NEK1: variants seen among roughly 807,000 people sequenced by gnomAD.
NEK1 encodes serine/threonine-protein kinase Nek1.
NEK1 carries 137 observed loss-of-function variants against 182.1 expected under a neutral mutation model. That is an observed-to-expected ratio of 0.75 (90% confidence interval 0.65 to 0.87). The LOEUF is 0.87. NEK1 is among the 40% of genes least tolerant of loss of function. NEK1 has a pLI of 0.00. For synonymous variants in NEK1, 513 were observed against 492.2 expected (o/e 1.04, Z -0.56); for missense variants, 1,391 against 1,494.4 (o/e 0.93, Z 1.14).
At chr4:169,507,685 A>C (rs1238946538) in intron 22 of NEK1, 30 bp downstream of exon 22, 1 of 1,558,844 alleles carries the variant, frequency 6.4e-7, no homozygotes, top group Non-Finnish European at 8.8e-7. Flanking sequence ...AATTTTCTCT[A>C]AGAAAACCTG....
chr4:169,583,315 T>C lies in NEK1; in HGVS notation c.807+2034A>G, dbSNP rs540168519. On this transcript the variant is annotated intron_variant, in intron 10 of 35. Transcript: ENST00000507142. Reference sequence around the variant, plus strand: ...AAAGCTTCTCACCTAAGTAGATATATAGTACAAAATAAATCTGAGGAACAG... The same window carrying C: ...AAAGCTTCTCACCTAAGTAGATATACAGTACAAAATAAATCTGAGGAACAG... Among the ~76,000 whole-genome samples the C allele has an allele frequency of 1.2e-4, 18 of 149,354 alleles. No individual in the cohort carries two copies. In the South Asian group the frequency reaches 3.2e-3, roughly 26 times the overall value.
intron 18 of NEK1, among the ~76,000 whole-genome samples, chr4:169,548,485 C>T (rs889974193): frequency 2.6e-5 from 4 of 152,244 alleles, no homozygotes; most frequent in African/African-American, 9.6e-5. Context: ...CTTATCAGAG[C>T]TCAAACTCTG....
chr4:169,487,657 A>C (rs1377316877), intron 23 of NEK1, among the ~76,000 whole-genome samples: 1 of 152,160 alleles, frequency 6.6e-6, no homozygotes, highest in Non-Finnish European at 1.5e-5. Context: ...AGAATGATTT[A>C]TATATTTTGG....
chr4:169,570,250 G>T (rs1764508285), intron 12 of NEK1, among the ~76,000 whole-genome samples: 1 of 151,494 alleles, frequency 6.6e-6, no homozygotes, highest in African/African-American at 2.4e-5. Flanking sequence ...GAGACCCTCT[G>T]CCTGGCAACC....
In NEK1 at chr4:169,527,356, T is replaced by C. The variant is rs80199321; in HGVS notation, c.1665+10453A>G. On this transcript the variant is annotated intron_variant, in intron 19 of 35. Coordinates refer to ENST00000507142, the MANE Select transcript of NEK1 (RefSeq NM_001199397.3). ...GGGAAAAAGAAGAAAACTTGAAACA[T>C]TAGGAATGAAAGAAAAGTAATAGAA... Among the ~76,000 whole-genome samples, 26 of 152,196 alleles carry C rather than the reference T, an allele frequency of 1.7e-4. No homozygotes were observed. In the East Asian group the frequency reaches 5.0e-3, roughly 29 times the overall value.
chr4:169,611,208 A>C (rs1772271885), intron 2 of NEK1, among the ~76,000 whole-genome samples: 1 of 152,228 alleles, frequency 6.6e-6, no homozygotes, highest in South Asian at 2.1e-4. Context: ...CGACCTCAAA[A>C]GAACTTCTGT....
chr4:169,588,556 A>G (rs1014162138), intron 8 of NEK1, 93 bp downstream of exon 8: 3 of 690,558 alleles, frequency 4.3e-6, no homozygotes, highest in Non-Finnish European at 7.5e-6. Flanking sequence ...TGTATGTATT[A>G]TTTATTTTAG....
chr4:169,507,013 T>C (rs1753386323), intron 23 of NEK1, 24 bp downstream of exon 23: 1 of 1,515,942 alleles, frequency 6.6e-7, no homozygotes, highest in African/African-American at 1.4e-5. Context: ...ACAACCAGGA[T>C]TAAGAATATG....
chr4:169,481,872 A>T (rs1339370436), intron 23 of NEK1, among the ~76,000 whole-genome samples: 1 of 152,194 alleles, frequency 6.6e-6, no homozygotes, highest in African/African-American at 2.4e-5. Context: ...TTAGCTTTGA[A>T]GCCAGGTATT....
intron 28 of NEK1, among the ~76,000 whole-genome samples, chr4:169,435,077 C>T (rs1738147510): frequency 6.6e-6 from 1 of 152,172 alleles, no homozygotes; most frequent in Non-Finnish European, 1.5e-5. Flanking sequence ...GTTCAGGCTA[C>T]TATAACAGAG....
intron 26 of NEK1, among the ~76,000 whole-genome samples, chr4:169,469,937 C>G (rs1195744768): frequency 1.4e-5 from 2 of 140,212 alleles, no homozygotes; most frequent in East Asian, 4.5e-4. Context: ...ACTAGGATTG[C>G]AACCCCTGCT....
Position 169,406,665 on chromosome 4 carries a change from T to C in NEK1, c.3305A>G (p.Gln1102Arg). 6.2e-7 allele frequency: 1 copy of C among 1,609,584 alleles called. No individual in the cohort carries two copies. The highest frequency in any genetic ancestry group is 8.5e-7 in the Non-Finnish European group (1 of 1,177,676). Residue 1102 changes from glutamine to arginine, a missense_variant, in exon 32 of 36, where the codon CAA becomes CGA. Gln to Arg is a conservative substitution (Grantham distance 43, BLOSUM62 1). Transcript: ENST00000507142. Reference sequence around the variant, plus strand: ...AATTTCATCTATTTCAAGATTGTCTTGACGAACATCTCCTACGGTGGGAAC... The same window carrying C: ...AATTTCATCTATTTCAAGATTGTCTCGACGAACATCTCCTACGGTGGGAAC... ...MDVPTVGDVR[Q>R]DNLEIDEIED... is the part of the protein sequence containing the mutation.
intron 19 of NEK1, among the ~76,000 whole-genome samples, chr4:169,522,138 C>A (rs1306846313): frequency 1.3e-5 from 2 of 152,308 alleles, no homozygotes; most frequent in East Asian, 3.9e-4. Flanking sequence ...CTTCTGTCAT[C>A]ATCTCCACTG....
chr4:169,502,256 C>A (rs1341796308), intron 23 of NEK1, among the ~76,000 whole-genome samples: 4 of 149,384 alleles, frequency 2.7e-5, no homozygotes, highest in Admixed American at 6.7e-5. Flanking sequence ...AAAAAAAAAA[C>A]TACCAATCAA....
intron 32 of NEK1, among the ~76,000 whole-genome samples, chr4:169,402,823 A>T (rs980211940): frequency 9.9e-5 from 15 of 152,116 alleles, no homozygotes; most frequent in East Asian, 1.9e-4. Context: ...ACTCAGAAAA[A>T]TTTTTTTCCT....
In NEK1 at chr4:169,477,333, C is replaced by T. The variant is rs778982890; in HGVS notation, c.2225G>A (p.Arg742His). Residue 742 changes from arginine (R) to histidine (H), a missense_variant, in exon 26 of 36, where the codon CGT becomes CAT. This residue lies in a region of NEK1 where 1,216 missense variants were observed against 1,277.6 expected (regional missense o/e 0.95). Transcript: ENST00000507142. ...AGCTTTAAGATTTTCATTTAATCTA[C>T]GAAGTATTTCTCGCTTACTCTGAAA... Reference protein sequence around the residue: ...NAISSKREILRRLNENLKAQE... With the variant: ...NAISSKREILHRLNENLKAQE... 2.5e-5 allele frequency: 40 copies of T among 1,573,350 alleles called. No homozygotes were observed. The highest frequency in any genetic ancestry group is 9.5e-5 in the African/African-American group (7 of 73,794).
intron 31 of NEK1, among the ~76,000 whole-genome samples, chr4:169,414,026 A>C (rs1554024275): frequency 6.6e-6 from 1 of 152,214 alleles, no homozygotes; most frequent in Non-Finnish European, 1.5e-5. Context: ...GAACAAAAAC[A>C]GTATTTGTCA....
Position 169,507,116 on chromosome 4 carries a change from C to A in NEK1, c.1928G>T (p.Arg643Leu). The part of the protein sequence containing the change: ...IESLKAHANA[R>L]AAVLKEQLER... ...TAGTTGTTCTTTTAGTACAGCAGCA[C>A]GTGCATTTGCATGGGCCTAAAAATA... Residue 643 changes from arginine to leucine, a missense_variant, in exon 23 of 36, where the codon CGT (arginine) becomes CTT (leucine). Transcript: ENST00000507142. 6.3e-7 allele frequency: 1 copy of A among 1,597,480 alleles called. No individual in the cohort carries two copies. The highest frequency in any genetic ancestry group is 2.3e-5 in the East Asian group (1 of 44,378).
chr4:169,436,914 T>C (rs959675098), intron 28 of NEK1, among the ~76,000 whole-genome samples: 3 of 152,202 alleles, frequency 2.0e-5, no homozygotes, highest in Non-Finnish European at 4.4e-5. Context: ...GAAACATGAG[T>C]GGCTTTTGTT....
Sources: gnomAD v4.1 joint callset for allele counts (sites outside exome capture counted in the v4.1 genomes callset) on GRCh38, gnomAD v4.1.1 for gene constraint, gnomAD v4.1.1 regional missense constraint, MANE v1.5 for transcripts, NCBI Gene and HGNC (gene_info 2026-07-23, HGNC 2026-07-21) for gene names.